Variants in SCHIP1 observed in about 807,000 individuals in gnomAD.
The protein encoded by SCHIP1 is schwannomin-interacting protein 1.
Under a neutral mutation model 29.7 loss-of-function variants are expected in SCHIP1, and 8 were observed. That is an observed-to-expected ratio of 0.27 (90% confidence interval 0.16 to 0.49). SCHIP1 has a LOEUF of 0.49. Among genes scored for constraint, SCHIP1 ranks in the 20% least tolerant of loss-of-function variants. The probability of loss-of-function intolerance (pLI) is 0.99; values close to 1 mark genes in which losing one functional copy is unlikely to be tolerated. For synonymous variants in SCHIP1, 76 were observed against 94.9 expected, an observed-to-expected ratio of 0.80 and a Z score of 1.16; for missense variants, 193 against 294.6, an observed-to-expected ratio of 0.66 and a Z score of 2.52.
At chr3:159,732,540 T>C in the SCHIP1 span, among the ~76,000 whole-genome samples, 1 of 152,046 alleles carries the variant, frequency 6.6e-6, no homozygotes, top group Admixed American at 6.6e-5. Context: ...TTGGAGAAGT[T>C]TGAGTTGAAG....
chr3:159,737,774 A>G, the SCHIP1 span, among the ~76,000 whole-genome samples: 1 of 152,212 alleles, frequency 6.6e-6, no homozygotes, highest in South Asian at 2.1e-4. Flanking sequence ...TGTCAACTCC[A>G]ATTCATTGGC....
chr3:159,719,510 C>A, the SCHIP1 span, among the ~76,000 whole-genome samples: 1 of 152,150 alleles, frequency 6.6e-6, no homozygotes, highest in Non-Finnish European at 1.5e-5. Context: ...TATCCAGAAT[C>A]TACAAAGAAC....
chr3:159,838,149 C>G (rs1353705384), upstream of SCHIP1, among the ~76,000 whole-genome samples: 1 of 152,180 alleles, frequency 6.6e-6, no homozygotes. Context: ...AATGAGTGTG[C>G]TTGTGAGTGC....
the SCHIP1 span, among the ~76,000 whole-genome samples, chr3:159,667,642 C>A: frequency 6.6e-6 from 1 of 152,038 alleles, no homozygotes; most frequent in African/African-American, 2.4e-5. Flanking sequence ...GTTTGGAACA[C>A]TGAGTCCAAG....
the SCHIP1 span, among the ~76,000 whole-genome samples, chr3:159,364,101 A>G: frequency 1.3e-5 from 2 of 152,216 alleles, no homozygotes; most frequent in African/African-American, 4.8e-5. Context: ...ATAACTTTTC[A>G]AAGGAAGAAC....
chr3:159,655,401 GTGA>G, the SCHIP1 span, among the ~76,000 whole-genome samples: 6 of 150,892 alleles, frequency 4.0e-5, no homozygotes, highest in South Asian at 2.1e-4. Context: ...GATGATGATG[GTGA>G]TGATGATGAT....
chr3:159,307,499 G>A, the SCHIP1 span, among the ~76,000 whole-genome samples: 1 of 152,046 alleles, frequency 6.6e-6, no homozygotes, highest in African/African-American at 2.4e-5. Context: ...GATGCCTTTG[G>A]GTAGAAAAAC....
chr3:159,863,633 A>G (rs1003173060), intron 1 of SCHIP1, among the ~76,000 whole-genome samples: 2 of 152,226 alleles, frequency 1.3e-5, no homozygotes, highest in Non-Finnish European at 2.9e-5. Context: ...GAAATATACT[A>G]AAATGTTAGC....
the SCHIP1 span, among the ~76,000 whole-genome samples, chr3:159,553,637 G>T: frequency 1.3e-4 from 20 of 152,252 alleles, no homozygotes; most frequent in African/African-American, 4.6e-4. Context: ...TAGAAACAGG[G>T]TCTTGCTCTG....
At chr3:159,686,266 G>A in the SCHIP1 span, among the ~76,000 whole-genome samples, 1 of 152,178 alleles carries the variant, frequency 6.6e-6, no homozygotes, top group Admixed American at 6.5e-5. Flanking sequence ...TTGAAGCCCA[G>A]ATGTGCAGCC....
the SCHIP1 span, among the ~76,000 whole-genome samples, chr3:159,760,269 C>T: frequency 6.6e-6 from 1 of 152,198 alleles, no homozygotes; most frequent in African/African-American, 2.4e-5. Context: ...GCCTTCTTCA[C>T]TGCACAGACA....
the SCHIP1 span, among the ~76,000 whole-genome samples, chr3:159,694,468 G>A: frequency 6.6e-6 from 1 of 151,504 alleles, no homozygotes; most frequent in Admixed American, 6.6e-5. Flanking sequence ...ACAGTGAGCC[G>A]AGATTGTGCT....
the SCHIP1 span, among the ~76,000 whole-genome samples, chr3:159,512,901 A>G: frequency 1.3e-5 from 2 of 152,170 alleles, no homozygotes; most frequent in Non-Finnish European, 2.9e-5. Context: ...CTATGAGTTC[A>G]ATTGTTTTGA....
chr3:159,432,300 G>A, the SCHIP1 span, among the ~76,000 whole-genome samples: 7 of 79,504 alleles, frequency 8.8e-5, no homozygotes, highest in African/African-American at 3.3e-4. Flanking sequence ...GTGTGTGTGT[G>A]TGTGTGTGTG....
At chr3:159,427,346 G>T in the SCHIP1 span, among the ~76,000 whole-genome samples, 4 of 151,772 alleles carry the variant, frequency 2.6e-5, no homozygotes, top group Non-Finnish European at 4.4e-5. Flanking sequence ...AGCAACTTCA[G>T]CAAAGTCTCA....
chr3:159,814,593 G>A, the SCHIP1 span, among the ~76,000 whole-genome samples: 1 of 152,248 alleles, frequency 6.6e-6, no homozygotes, highest in African/African-American at 2.4e-5. Context: ...GGAGCCCCCA[G>A]AAAGCTGTAG....
At chr3:159,745,270 C>T in the SCHIP1 span, among the ~76,000 whole-genome samples, 2 of 152,152 alleles carry the variant, frequency 1.3e-5, no homozygotes, top group Non-Finnish European at 2.9e-5. Flanking sequence ...TCTTCTGTTC[C>T]ACTTCTTTGA....
intron 1 of SCHIP1, among the ~76,000 whole-genome samples, chr3:159,844,680 G>A (rs1355107637): frequency 6.6e-6 from 1 of 152,204 alleles, no homozygotes; most frequent in African/African-American, 2.4e-5. Context: ...TTGTAAACTT[G>A]AAAGCACAAG....
chr3:159,573,183 A>G, the SCHIP1 span, among the ~76,000 whole-genome samples: 1 of 152,120 alleles, frequency 6.6e-6, no homozygotes, highest in African/African-American at 2.4e-5. Context: ...TTGCTCATTA[A>G]TTGATGCAGT....
Sources: gnomAD v4.1 joint callset for allele counts (sites outside exome capture counted in the v4.1 genomes callset) on GRCh38, gnomAD v4.1.1 for gene constraint, MANE v1.5 for transcripts, NCBI Gene and HGNC (gene_info 2026-07-23, HGNC 2026-07-21) for gene names.